MSH3: variants seen among roughly 807,000 people sequenced by gnomAD.
The protein encoded by MSH3 is DNA mismatch repair protein Msh3.
In MSH3, 106 loss-of-function variants were observed where a neutral mutation model predicts 123.3. The observed-to-expected ratio is 0.86, with a 90% CI of 0.73 to 1.01. The LOEUF is 1.01. Among genes scored for constraint, MSH3 ranks in the 50% least tolerant of loss-of-function variants. The pLI is 0.00. For missense variants in MSH3, 1,459 were observed against 1,347.6 expected (o/e 1.08, Z -1.29); for synonymous variants, 515 against 481.4 (o/e 1.07, Z -0.91).
intron 8 of MSH3, among the ~76,000 whole-genome samples, chr5:80,706,483 A>G (rs544064900): frequency 6.6e-6 from 1 of 152,314 alleles, no homozygotes; most frequent in East Asian, 1.9e-4. Context: ...CTCAAAGGCA[A>G]ATATAATGTC....
intron 20 of MSH3, among the ~76,000 whole-genome samples, chr5:80,818,559 T>TAAA (rs1334463428): frequency 1.3e-5 from 2 of 152,064 alleles, no homozygotes; most frequent in African/African-American, 4.8e-5. Flanking sequence ...GTGAAACATT[T>TAAA]AAAAATTTTT....
chr5:80,678,949 A>G lies in MSH3; in HGVS notation c.1196A>G (p.Glu399Gly). The G allele has an allele frequency of 6.2e-7, 1 of 1,614,094 alleles. No homozygotes were observed. ...GIVGVQPATG[E>G]VVFDSFQDSA... ...TAGGGAGTGCAGCCTGCCACAGGCG[A>G]GGTTGTGTTTGATAGTTTCCAGGAC... The change falls in exon 8 of 24, where the codon GAG (glutamate) becomes GGG (glycine). Residue 399 changes from glutamate to glycine, a missense_variant. Transcript: ENST00000265081.
chr5:80,810,000 G>T (rs544176663), intron 19 of MSH3, among the ~76,000 whole-genome samples: 1 of 151,954 alleles, frequency 6.6e-6, no homozygotes, highest in South Asian at 2.1e-4. Flanking sequence ...TTGACGTTTT[G>T]TAATATTTAG....
chr5:80,725,831 C>CA (rs557265721), intron 9 of MSH3, among the ~76,000 whole-genome samples: 1 of 152,102 alleles, frequency 6.6e-6, no homozygotes, highest in Non-Finnish European at 1.5e-5. Context: ...GCCGGGGCAA[C>CA]AAAGCGAGAT....
At chr5:80,807,137 G>A (rs912365727) in intron 19 of MSH3, among the ~76,000 whole-genome samples, 1 of 138,628 alleles carries the variant, frequency 7.2e-6, no homozygotes, top group African/African-American at 2.7e-5. Context: ...GGCACAGTGA[G>A]TCATGTTTGC....
intron 13 of MSH3, among the ~76,000 whole-genome samples, chr5:80,765,219 AAATT>A: frequency 6.6e-6 from 1 of 152,338 alleles, no homozygotes; most frequent in African/African-American, 2.4e-5. Context: ...TCAGCTTGGA[AAATT>A]AATCATTTTC....
At chr5:80,694,973 T>C (rs1199153811) in intron 8 of MSH3, among the ~76,000 whole-genome samples, 1 of 151,580 alleles carries the variant, frequency 6.6e-6, no homozygotes, top group Non-Finnish European at 1.5e-5. Flanking sequence ...TTATCCTTTT[T>C]GGGGTTCACT....
intron 12 of MSH3, among the ~76,000 whole-genome samples, chr5:80,750,078 A>AGTGTGTGT (rs57762095): frequency 0.15 from 19,597 of 134,046 alleles, 1,576 homozygotes; most frequent in Admixed American, 0.24. Flanking sequence ...AGTATTCCAG[A>AGTGTGTGT]GTGTGTGTGT....
chr5:80,655,677 G>T (rs442767), intron 1 of MSH3: 51,924 of 180,072 alleles, frequency 0.29, 9,158 homozygotes, highest in East Asian at 0.6. Flanking sequence ...TCAGATTGAG[G>T]CTGTGGAAGG....
At chr5:80,793,869 T>C (rs1744650374) in intron 19 of MSH3, among the ~76,000 whole-genome samples, 1 of 152,158 alleles carries the variant, frequency 6.6e-6, no homozygotes, top group African/African-American at 2.4e-5. Context: ...CAAAGCTAAA[T>C]GGAGCTGGGC....
At chr5:80,768,335 T>C (rs996870545) in intron 14 of MSH3, among the ~76,000 whole-genome samples, 23 of 152,128 alleles carry the variant, frequency 1.5e-4, no homozygotes, top group African/African-American at 5.3e-4. Context: ...AGGACAGATA[T>C]AGTACTCCCC....
chr5:80,875,271 C>T (rs1746286600), intron 23 of MSH3, among the ~76,000 whole-genome samples: 1 of 151,952 alleles, frequency 6.6e-6, no homozygotes, highest in Non-Finnish European at 1.5e-5. Context: ...CTCAGGTACT[C>T]TAGCTCCATA....
At chr5:80,779,021 T>G (rs1481615450) in intron 17 of MSH3, among the ~76,000 whole-genome samples, 185 bp downstream of exon 17, 1 of 151,444 alleles carries the variant, frequency 6.6e-6, no homozygotes, top group African/African-American at 2.4e-5. Context: ...ATACTGAGTC[T>G]TGCTTTGTCA....
chr5:80,848,880 C>T (rs1283031744), intron 20 of MSH3, among the ~76,000 whole-genome samples: 2 of 152,142 alleles, frequency 1.3e-5, no homozygotes, highest in Non-Finnish European at 2.9e-5. Context: ...CCAACAGTCC[C>T]CTGGGGTGTT....
chr5:80,861,011 T>G (rs1746005589), intron 21 of MSH3, among the ~76,000 whole-genome samples: 1 of 152,202 alleles, frequency 6.6e-6, no homozygotes, highest in Non-Finnish European at 1.5e-5. Context: ...CGTTTCCTTT[T>G]GGTTTTTTCT....
Position 80,799,800 on chromosome 5 carries a change from A to G in MSH3, c.2655+6956A>G, listed in dbSNP as rs192108648. Reference sequence around the variant, plus strand: ...TTCTGCGACTTAGTTGCTGGGAAAGATATTTAGCTTTAGGCCTCTGTTTCC... The same window carrying G: ...TTCTGCGACTTAGTTGCTGGGAAAGGTATTTAGCTTTAGGCCTCTGTTTCC... On this transcript the variant is annotated intron_variant, in intron 19 of 23. Transcript: ENST00000265081. 1.7e-3 allele frequency among the ~76,000 whole-genome samples: 258 copies of G among 152,230 alleles called. 2 individuals are homozygous for G. Among genetic ancestry groups the G allele is most frequent in the African/African-American group, 5.9e-3 (244 of 41,562 alleles).
chr5:80,804,316 AG>A (rs1433706476), intron 19 of MSH3, among the ~76,000 whole-genome samples: 1 of 152,218 alleles, frequency 6.6e-6, no homozygotes, highest in Non-Finnish European at 1.5e-5. Context: ...GGTGAGACCC[AG>A]TGTTGTGATG....
At chr5:80,737,913 A>G (rs1743541692) in intron 10 of MSH3, among the ~76,000 whole-genome samples, 1 of 152,176 alleles carries the variant, frequency 6.6e-6, no homozygotes, top group Admixed American at 6.5e-5. Context: ...TGTAGATATC[A>G]GTTTAAAAAA....
rs2112797815 is a variant in MSH3 at position 80,654,892 on chromosome 5, A to G, written c.165A>G (p.Ala55=). 1.2e-6 allele frequency: 1 copy of G among 818,184 alleles called. No individual in the cohort carries two copies. The highest frequency in any genetic ancestry group is 2.6e-5 in the South Asian group (1 of 38,368). 50.7% of individuals were successfully genotyped at this position (818,184 alleles called of 1,614,324 possible). ...TGGACCCTGGCGCTGCAGCGGCTGC[A>G]GCGGCCGCAGCGGCCGCAGCGCCCC... ...DQVDPGAAAA[A]AAAAAAAPPA... The change falls in exon 1 of 24, where the codon GCA becomes GCG. Residue 55 remains alanine (A), a synonymous_variant. Transcript: ENST00000265081.
Sources: gnomAD v4.1 joint callset for allele counts (sites outside exome capture counted in the v4.1 genomes callset) on GRCh38, gnomAD v4.1.1 for gene constraint, MANE v1.5 for transcripts, NCBI Gene and HGNC (gene_info 2026-07-23, HGNC 2026-07-21) for gene names.